The following SUPT3H variants were observed in gnomAD, a reference collection of about 807,000 sequenced individuals.
SUPT3H encodes the protein SPT3 homolog, SAGA and STAGA complex component, also known as transcription initiation protein SPT3 homolog.
SUPT3H carries 44 observed loss-of-function variants against 44.3 expected under a neutral mutation model. The ratio of observed to expected loss-of-function variants is 0.99; its 90% CI spans 0.78 to 1.28. The LOEUF is 1.28. SUPT3H is among the 50% of genes most tolerant of loss of function. The probability of loss-of-function intolerance (pLI) is 0.00; values close to 1 mark genes in which losing one functional copy is unlikely to be tolerated. For synonymous variants in SUPT3H, 124 were observed against 125.6 expected (o/e 0.99, Z 0.09); for missense variants, 380 against 387.1 (o/e 0.98, Z 0.15).
chr6:45,277,310 A>C (rs1777184308), intron 2 of SUPT3H, among the ~76,000 whole-genome samples: 2 of 152,210 alleles, frequency 1.3e-5, no homozygotes, highest in Admixed American at 1.3e-4. Flanking sequence ...TTTACAAAGA[A>C]AAGGAGGTTT....
At chr6:44,847,156 TA>T (rs1279715634) in intron 10 of SUPT3H, among the ~76,000 whole-genome samples, 20 of 152,192 alleles carry the variant, frequency 1.3e-4, no homozygotes, top group African/African-American at 7.2e-5. Flanking sequence ...GAAAGACTAA[TA>T]TTTTTTTTCT....
rs527387053 is a variant in SUPT3H at position 44,979,217 on chromosome 6, T to C, written c.505-17389A>G. Among the ~76,000 whole-genome samples the C allele has an allele frequency of 5.9e-4, 90 of 152,298 alleles. No individual in the cohort carries two copies. In the Middle Eastern group the frequency reaches 0.01, roughly 17 times the overall value. On this transcript the variant is annotated intron_variant, in intron 6 of 10. Transcript: ENST00000371459. ...ATTTTTCTGTAGCACAGTATTTTAATTTCTCAAGTCGCAGAACGAATATTT... is the reference window on the plus strand; with the variant it reads ...ATTTTTCTGTAGCACAGTATTTTAACTTCTCAAGTCGCAGAACGAATATTT...
chr6:45,186,597 A>G (rs1447245718), intron 2 of SUPT3H, among the ~76,000 whole-genome samples: 1 of 152,172 alleles, frequency 6.6e-6, no homozygotes, highest in Non-Finnish European at 1.5e-5. Flanking sequence ...CTTCTACCAG[A>G]TTTAAAGTAG....
chr6:45,036,799 TA>T (rs1787741355), intron 3 of SUPT3H, among the ~76,000 whole-genome samples: 1 of 152,084 alleles, frequency 6.6e-6, no homozygotes, highest in Non-Finnish European at 1.5e-5. Flanking sequence ...AATAAGGTAA[TA>T]AATCCAAGTA....
exon 12 of SUPT3H, chr6:44,809,423 T>C (rs972905454): frequency 4.6e-5 from 7 of 152,206 alleles, no homozygotes; most frequent in Non-Finnish European, 8.8e-5. Flanking sequence ...GAAGCTTGTT[T>C]TGAGAGCAGG....
chr6:45,334,449 C>CTAA, intron 2 of SUPT3H, among the ~76,000 whole-genome samples: 1 of 91,760 alleles, frequency 1.1e-5, no homozygotes, highest in African/African-American at 4.3e-5. Context: ...TCAGGAAAAG[C>CTAA]AAAAAAAAAA....
intron 5 of SUPT3H, among the ~76,000 whole-genome samples, chr6:45,007,041 T>C (rs1210881422): frequency 6.6e-6 from 1 of 152,184 alleles, no homozygotes; most frequent in East Asian, 1.9e-4. Flanking sequence ...TTTAGCACTA[T>C]AGACAGATAT....
At chr6:44,921,079 A>G (rs1169783548) in intron 10 of SUPT3H, among the ~76,000 whole-genome samples, 1 of 152,120 alleles carries the variant, frequency 6.6e-6, no homozygotes, top group African/African-American at 2.4e-5. Flanking sequence ...CTCCTTTGCT[A>G]TATTTGGATA....
At chr6:44,948,720 T>C (rs1773759255) in intron 9 of SUPT3H, among the ~76,000 whole-genome samples, 1 of 151,970 alleles carries the variant, frequency 6.6e-6, no homozygotes, top group Non-Finnish European at 1.5e-5. Context: ...AGAATGGCAA[T>C]CATTAAAAAG....
At chr6:45,100,728 G>A (rs995188519) in intron 3 of SUPT3H, among the ~76,000 whole-genome samples, 2 of 151,970 alleles carry the variant, frequency 1.3e-5, no homozygotes, top group African/African-American at 4.8e-5. Context: ...TAGCAATGAG[G>A]AGGAGAAAGG....
chr6:45,169,687 T>C (rs1810467530), intron 2 of SUPT3H, among the ~76,000 whole-genome samples: 1 of 152,204 alleles, frequency 6.6e-6, no homozygotes, highest in Non-Finnish European at 1.5e-5. Context: ...TTCAGATTAT[T>C]CTGCAATAGC....
intron 2 of SUPT3H, chr6:45,159,536 TG>T: frequency 6.6e-6 from 1 of 152,304 alleles, no homozygotes; most frequent in Middle Eastern, 3.4e-3. Context: ...TCTTCAGTCA[TG>T]GAGGCCAGCA....
chr6:44,865,466 G>T lies in SUPT3H; in HGVS notation c.913-35609C>A, dbSNP rs1202207751. ...TACCCAAGACTGGGTAATTTACAAA[G>T]AAAAAGAGATTTAATGGACTCACAG... On this transcript the variant is annotated intron_variant, in intron 10 of 10. Coordinates refer to ENST00000371459, the MANE Select transcript of SUPT3H (RefSeq NM_003599.4). 2.6e-5 allele frequency among the ~76,000 whole-genome samples: 4 copies of T among 152,180 alleles called. No individual in the cohort carries two copies. In the East Asian group the frequency reaches 5.8e-4, roughly 22 times the overall value.
chr6:45,088,660 T>G (rs1295563567), intron 3 of SUPT3H, among the ~76,000 whole-genome samples: 1 of 151,956 alleles, frequency 6.6e-6, no homozygotes, highest in Admixed American at 6.6e-5. Flanking sequence ...TCACGAACCC[T>G]GTGGGTTTTG....
At chr6:45,339,759 T>C (rs1789370313) in intron 2 of SUPT3H, among the ~76,000 whole-genome samples, 1 of 152,192 alleles carries the variant, frequency 6.6e-6, no homozygotes, top group Non-Finnish European at 1.5e-5. Context: ...TTAAAATTTA[T>C]TAAAGTTTTA....
At chr6:45,240,574 G>A (rs1048373020) in intron 2 of SUPT3H, among the ~76,000 whole-genome samples, 1 of 152,180 alleles carries the variant, frequency 6.6e-6, no homozygotes, top group Non-Finnish European at 1.5e-5. Flanking sequence ...ACTTGTTTGG[G>A]AAGATTGCAT....
chr6:45,068,870 T>G (rs925833586), intron 3 of SUPT3H, among the ~76,000 whole-genome samples: 1 of 152,002 alleles, frequency 6.6e-6, no homozygotes, highest in African/African-American at 2.4e-5. Flanking sequence ...GAATTACTAA[T>G]CAGTAGAATG....
At chr6:45,371,449 A>G (rs1796065534) in intron 1 of SUPT3H, among the ~76,000 whole-genome samples, 1 of 151,652 alleles carries the variant, frequency 6.6e-6, no homozygotes, top group Non-Finnish European at 1.5e-5. Flanking sequence ...CCCTCTACCA[A>G]TGAGGAAACT....
At chr6:45,251,925 A>G (rs1302087203) in intron 2 of SUPT3H, among the ~76,000 whole-genome samples, 1 of 152,180 alleles carries the variant, frequency 6.6e-6, no homozygotes, top group Non-Finnish European at 1.5e-5. Context: ...CATCGATAAG[A>G]AAAAAAGAAA....
Sources: allele counts gnomAD v4.1 joint callset (sites outside exome capture counted in the v4.1 genomes callset), GRCh38; gene constraint gnomAD v4.1.1; transcripts MANE v1.5; gene names NCBI Gene and HGNC (gene_info 2026-07-23, HGNC 2026-07-21).